The following IGF2BP1 variants were observed in gnomAD, a reference collection of about 807,000 sequenced individuals.
IGF2BP1 encodes insulin-like growth factor 2 mRNA-binding protein 1.
IGF2BP1 carries 11 observed loss-of-function variants against 74.9 expected under a neutral mutation model. That is an observed-to-expected ratio of 0.15 (90% CI 0.09 to 0.24). IGF2BP1 has a LOEUF of 0.24. IGF2BP1 is among the 10% of genes least tolerant of loss of function. The pLI, the probability that IGF2BP1 is intolerant of heterozygous loss-of-function variation, is 1.00. For missense variants in IGF2BP1, 440 were observed against 757.4 expected (o/e 0.58, Z 4.92); for synonymous variants, 287 against 281.8 (o/e 1.02, Z -0.18).
chr17:49,041,532 G>GTGGGGGATGCA, intron 8 of IGF2BP1, 32 bp downstream of exon 8: 1 of 1,613,392 alleles, frequency 6.2e-7, no homozygotes, highest in Non-Finnish European at 8.5e-7. Context: ...CTGTTTATGA[G>GTGGGGGATGCA]TGGGGGATGC....
Position 49,056,134 on chromosome 17 carries a change from A to G in IGF2BP1, c.*6690A>G, listed in dbSNP as rs764824677. ...AATTTCAAAATAAAAGGAAACTTATATTGAAAGACAAGTATGTCTGTGTCT... is the reference window on the plus strand; with the variant it reads ...AATTTCAAAATAAAAGGAAACTTATGTTGAAAGACAAGTATGTCTGTGTCT... On this transcript the variant is annotated 3_prime_UTR_variant, in exon 15 of 15. Coordinates refer to ENST00000290341, the MANE Select transcript of IGF2BP1 (RefSeq NM_006546.4). Among the ~76,000 whole-genome samples the G allele has an allele frequency of 6.6e-6, 1 of 152,150 alleles. No homozygotes were observed. The highest frequency in any genetic ancestry group is 2.4e-5 in the African/African-American group (1 of 41,424).
chr17:49,037,385 C>A, intron 5 of IGF2BP1: 1 of 502,444 alleles, frequency 2.0e-6, no homozygotes, highest in Non-Finnish European at 3.7e-6. Context: ...TTCAGAAAAA[C>A]TGGAATTTCT....
chr17:49,034,810 T>G (rs951678551), intron 5 of IGF2BP1, among the ~76,000 whole-genome samples: 2 of 151,006 alleles, frequency 1.3e-5, no homozygotes, highest in African/African-American at 4.9e-5. Flanking sequence ...CAAGATGGAA[T>G]CCACAGAGGT....
At chr17:49,046,071 C>T in intron 13 of IGF2BP1, 50 bp downstream of exon 13, 1 of 1,601,390 alleles carries the variant, frequency 6.2e-7, no homozygotes, top group Non-Finnish European at 8.5e-7. Flanking sequence ...TCTCCAATCT[C>T]AGCAGCTCTC....
intron 2 of IGF2BP1, among the ~76,000 whole-genome samples, chr17:49,010,304 G>A (rs1054043490): frequency 6.8e-6 from 1 of 147,840 alleles, no homozygotes; most frequent in African/African-American, 2.5e-5. Flanking sequence ...TTTCCCACAT[G>A]GTGGTCATCT....
intron 4 of IGF2BP1, 42 bp from the exon 5 acceptor site, chr17:49,031,868 C>T: frequency 6.3e-7 from 1 of 1,581,360 alleles, no homozygotes; most frequent in East Asian, 2.2e-5. Context: ...ATTGGGCCTC[C>T]AGATTTCCCT....
rs2041808623 is a variant in IGF2BP1 at position 49,022,775 on chromosome 17, G to C, written c.237-2843G>C. On this transcript the variant is annotated intron_variant, in intron 2 of 14. Coordinates refer to ENST00000290341, the MANE Select transcript of IGF2BP1 (RefSeq NM_006546.4). ...GCCTCTAAAACTGGGAGTTTGAAGTGCGAGGGAATTTTGACCTTTGACCTT... is the reference window on the plus strand; with the variant it reads ...GCCTCTAAAACTGGGAGTTTGAAGTCCGAGGGAATTTTGACCTTTGACCTT... Among the ~76,000 whole-genome samples, 5 of 152,286 alleles carry C rather than the reference G, an allele frequency of 3.3e-5. No individual in the cohort carries two copies. The South Asian group carries it at 1.0e-3, about 32-fold the overall frequency.
Position 48,997,506 on chromosome 17 carries a change from G to T in IGF2BP1, c.-240G>T, listed in dbSNP as rs1358571714. Reference sequence around the variant, plus strand: ...CGAAGGGAAGAAGCTGCGCCGTGTCGTCCGTCTCCCTGCGCGCCGCGGGCA... The same window carrying T: ...CGAAGGGAAGAAGCTGCGCCGTGTCTTCCGTCTCCCTGCGCGCCGCGGGCA... On this transcript the variant is annotated 5_prime_UTR_variant, in exon 1 of 15. Transcript: ENST00000290341. This position sits in a 1 kb window ranked among gnomAD's most constrained non-coding sequence, Gnocchi z 4.8. 2.2e-5 allele frequency: 11 copies of T among 492,202 alleles called. No homozygotes were observed. Among genetic ancestry groups the T allele is most frequent in the Admixed American group, 7.7e-5 (2 of 26,076 alleles). 30.5% of individuals were successfully genotyped at this position (492,202 alleles called of 1,614,324 possible). A position where few individuals can be genotyped will look rare whatever the true frequency, so the allele number is the denominator to read the frequency against.
chr17:49,034,854 G>T (rs1325324723), intron 5 of IGF2BP1, among the ~76,000 whole-genome samples: 3 of 152,064 alleles, frequency 2.0e-5, no homozygotes, highest in African/African-American at 7.2e-5. Context: ...GACTTAATAG[G>T]TGTAAAAATG....
Position 49,023,302 on chromosome 17 carries a change from A to T in IGF2BP1, c.237-2316A>T, listed in dbSNP as rs529734714. ...ATGAACAAACCAAAGAAGACAGCCA[A>T]AGACAGAGATTCTCTTCAATGTTTA... On this transcript the variant is annotated intron_variant, in intron 2 of 14. Transcript: ENST00000290341. 4.6e-5 allele frequency among the ~76,000 whole-genome samples: 7 copies of T among 152,310 alleles called. No individual in the cohort carries two copies. In the East Asian group the frequency reaches 1.4e-3, roughly 29 times the overall value.
At position 49,044,002 on chromosome 17, in the gene IGF2BP1, C is replaced by T; in HGVS notation, c.1236C>T (p.Ile412=). ...AGCAGGAGATGGTGCAGGTGTTTAT[C>T]CCCGCCCAGGCAGTGGGCGCCATCA... ...APEQEMVQVF[I]PAQAVGAIIG... Residue 412 remains isoleucine (I), a synonymous_variant, in exon 11 of 15, where the codon ATC becomes ATT. Transcript: ENST00000290341. 6.2e-7 allele frequency: 1 copy of T among 1,614,082 alleles called. No homozygotes were observed. The highest frequency in any genetic ancestry group is 2.2e-5 in the East Asian group (1 of 44,862).
intron 3 of IGF2BP1, 23 bp from the exon 4 acceptor site, chr17:49,026,443 A>G (rs373219208): frequency 2.5e-5 from 41 of 1,611,780 alleles, no homozygotes; most frequent in Non-Finnish European, 9.3e-6. Context: ...AGTTAAGTGT[A>G]CTTCCCTTCT....
intron 5 of IGF2BP1, chr17:49,037,428 C>T (rs2042002886): frequency 2.5e-6 from 1 of 404,384 alleles, no homozygotes; most frequent in African/African-American, 2.1e-5. Flanking sequence ...TTCCCATAAG[C>T]CTGTAGGCAA....
At chr17:49,000,107 G>T (rs971758168) in intron 2 of IGF2BP1, among the ~76,000 whole-genome samples, 7 of 152,028 alleles carry the variant, frequency 4.6e-5, no homozygotes, top group African/African-American at 1.7e-4. Context: ...AAGTATAAGG[G>T]CAGAGTCTTT....
chr17:49,034,791 A>G (rs1360681385), intron 5 of IGF2BP1, among the ~76,000 whole-genome samples: 2 of 152,114 alleles, frequency 1.3e-5, no homozygotes, highest in African/African-American at 2.4e-5. Context: ...CCAAAAACAC[A>G]AAACTTTTCA....
chr17:48,998,959 C>A lies in IGF2BP1; in HGVS notation c.176-150C>A, dbSNP rs893952245. The A allele has an allele frequency of 1.3e-5, 8 of 615,598 alleles. No homozygotes were observed. In the African/African-American group the frequency reaches 1.3e-4, roughly 10 times the overall value. The allele number at this position is 615,598 out of a possible 1,614,324, so 38.1% of individuals were successfully genotyped here. A position where few individuals can be genotyped will look rare whatever the true frequency, so the allele number is the denominator to read the frequency against. On this transcript the variant is annotated intron_variant, in intron 1 of 14. Transcript: ENST00000290341. ...CACCATTCCTAGAGCAACCTTTTTCCCATCTGGATGCGGAAGCCACTGCCT... is the reference window on the plus strand; with the variant it reads ...CACCATTCCTAGAGCAACCTTTTTCACATCTGGATGCGGAAGCCACTGCCT...
rs540887302 is a variant in IGF2BP1, at chr17:48,999,384, G to C, written c.236+215G>C. Reference sequence around the variant, plus strand: ...AAAAAAAATAAATAAGTTGGGGCTGGGGTAGGCTAAAAGATGTTACTTGCA... The same window carrying C: ...AAAAAAAATAAATAAGTTGGGGCTGCGGTAGGCTAAAAGATGTTACTTGCA... On this transcript the variant is annotated intron_variant, in intron 2 of 14. Coordinates refer to ENST00000290341, the MANE Select transcript of IGF2BP1 (RefSeq NM_006546.4). Among the ~76,000 whole-genome samples, 5 of 152,098 alleles carry C rather than the reference G, an allele frequency of 3.3e-5. 1 individual carries two copies. The highest frequency in any genetic ancestry group is 1.2e-4 in the African/African-American group (5 of 41,488).
intron 6 of IGF2BP1, 95 bp downstream of exon 6, chr17:49,038,544 A>C: frequency 8.0e-7 from 1 of 1,249,624 alleles, no homozygotes; most frequent in Non-Finnish European, 1.0e-6. Flanking sequence ...AGACATCAAC[A>C]TTTACCTTTT....
intron 2 of IGF2BP1, among the ~76,000 whole-genome samples, chr17:49,011,787 A>T (rs959097973): frequency 2.4e-4 from 36 of 151,754 alleles, no homozygotes; most frequent in African/African-American, 6.3e-4. Flanking sequence ...GCGTAAGCTT[A>T]GCAGATAAAA....
Sources: allele counts gnomAD v4.1 joint callset (sites outside exome capture counted in the v4.1 genomes callset), GRCh38; gene constraint gnomAD v4.1.1; non-coding constraint Gnocchi (gnomAD v3.1); transcripts MANE v1.5; gene names NCBI Gene and HGNC (gene_info 2026-07-23, HGNC 2026-07-21).